AFAP1L1: variants seen among roughly 807,000 people sequenced by gnomAD.
The protein encoded by AFAP1L1 is actin filament-associated protein 1-like 1.
Under a neutral mutation model 99.8 loss-of-function variants are expected in AFAP1L1, and 77 were observed. That is an observed-to-expected ratio of 0.77 (90% CI 0.64 to 0.93). The LOEUF (loss-of-function observed/expected upper bound fraction) is 0.93. AFAP1L1 is among the 40% of genes least tolerant of loss of function. AFAP1L1 has a pLI of 0.00. For synonymous variants in AFAP1L1, 373 were observed against 395.3 expected (o/e 0.94, Z 0.67); for missense variants, 893 against 996.8 (o/e 0.90, Z 1.40).
Position 149,320,535 on chromosome 5 carries a change from T to C in AFAP1L1, c.1698+72T>C, listed in dbSNP as rs376259937. Reference sequence around the variant, plus strand: ...TAGCTCTCCCTCTTTCTGCTCCCTTTACCTTCTGCCTCAGAAAGATCATTT... The same window carrying C: ...TAGCTCTCCCTCTTTCTGCTCCCTTCACCTTCTGCCTCAGAAAGATCATTT... On this transcript the variant is annotated intron_variant, in intron 14 of 18. Transcript: ENST00000296721. This position sits in a 1 kb window ranked among gnomAD's most constrained non-coding sequence, Gnocchi z 4.0. The C allele has an allele frequency of 1.2e-5, 17 of 1,367,714 alleles. No individual in the cohort carries two copies. Among genetic ancestry groups the C allele is most frequent in the African/African-American group, 5.7e-5 (4 of 69,872 alleles). 84.7% of individuals were successfully genotyped at this position (1,367,714 alleles called of 1,614,324 possible). A position where few individuals can be genotyped will look rare whatever the true frequency, so the allele number is the denominator to read the frequency against.
intron 1 of AFAP1L1, among the ~76,000 whole-genome samples, chr5:149,283,992 C>T (rs1755601912): frequency 6.6e-6 from 1 of 152,200 alleles, no homozygotes; most frequent in Non-Finnish European, 1.5e-5. Flanking sequence ...CATATCTAGT[C>T]AGTGTCCATC....
In AFAP1L1 at chr5:149,320,610, A is replaced by G. The variant is rs1756923957; in HGVS notation, c.1698+147A>G. On this transcript the variant is annotated intron_variant, in intron 14 of 18. Coordinates refer to ENST00000296721, the MANE Select transcript of AFAP1L1 (RefSeq NM_152406.4). This position sits in a 1 kb window ranked among gnomAD's most constrained non-coding sequence, Gnocchi z 4.0. Reference sequence around the variant, plus strand: ...GGGGAGCCCCTTCTTATCATAGAGCATGGCTCAGGATGAGGAATCCCTGGC... The same window carrying G: ...GGGGAGCCCCTTCTTATCATAGAGCGTGGCTCAGGATGAGGAATCCCTGGC... 1 of 727,026 alleles carries G rather than the reference A, an allele frequency of 1.4e-6. No homozygotes were observed. The highest frequency in any genetic ancestry group is 2.6e-5 in the Admixed American group (1 of 38,078). 45.0% of individuals were successfully genotyped at this position (727,026 alleles called of 1,614,324 possible). A position where few individuals can be genotyped will look rare whatever the true frequency, so the allele number is the denominator to read the frequency against.
intron 1 of AFAP1L1, among the ~76,000 whole-genome samples, chr5:149,284,790 T>A (rs906587675): frequency 1.3e-5 from 2 of 152,156 alleles, no homozygotes; most frequent in South Asian, 2.1e-4. Flanking sequence ...AAGCCAGCAG[T>A]GAGCTCACAT....
chr5:149,273,546 G>A (rs961626805), intron 1 of AFAP1L1, among the ~76,000 whole-genome samples: 3 of 152,100 alleles, frequency 2.0e-5, no homozygotes, highest in African/African-American at 7.2e-5. Flanking sequence ...CAGGGACTGG[G>A]AAGGGCAGGC....
chr5:149,296,876 A>G (rs1370928840), intron 1 of AFAP1L1, among the ~76,000 whole-genome samples: 6 of 152,154 alleles, frequency 3.9e-5, no homozygotes, highest in Non-Finnish European at 7.4e-5. Context: ...TCAGAAGGGG[A>G]AGCAAACACA....
intron 4 of AFAP1L1, among the ~76,000 whole-genome samples, chr5:149,301,561 C>T (rs1028284253): frequency 2.0e-5 from 3 of 152,174 alleles, no homozygotes; most frequent in African/African-American, 4.8e-5. Flanking sequence ...GCCCAACTTC[C>T]GATTGCATAA....
At position 149,332,863 on chromosome 5, in the gene AFAP1L1, C is replaced by T. The variant is rs1231506226; in HGVS notation, c.2144C>T (p.Pro715Leu). 1.3e-6 allele frequency: 2 copies of T among 1,594,890 alleles called. No individual in the cohort carries two copies. The highest frequency in any genetic ancestry group is 2.3e-5 in the East Asian group (1 of 44,310). Reference protein sequence around the residue: ...PALGLSVSSKPKSGETANKPQ... With the variant: ...PALGLSVSSKLKSGETANKPQ... ...CTGGGGCTCTCCGTGAGCAGCAAGC[C>T]CAAGAGTGGGGTGAGTCCAGGCCCT... The change falls in exon 17 of 19, where the codon CCC (proline) becomes CTC (leucine). Residue 715 changes from proline (P) to leucine (L), a missense_variant. Physicochemically the swap from Pro to Leu is moderately conservative, Grantham distance 98. Coordinates refer to ENST00000296721, the MANE Select transcript of AFAP1L1 (RefSeq NM_152406.4).
At chr5:149,282,818 G>A (rs1479113349) in intron 1 of AFAP1L1, among the ~76,000 whole-genome samples, 1 of 152,190 alleles carries the variant, frequency 6.6e-6, no homozygotes, top group East Asian at 1.9e-4. Flanking sequence ...CCAAACCAAG[G>A]AATGAAGCAC....
intron 2 of AFAP1L1, among the ~76,000 whole-genome samples, 198 bp downstream of exon 2, chr5:149,299,835 G>A (rs945806986): frequency 6.6e-6 from 1 of 151,904 alleles, no homozygotes; most frequent in Non-Finnish European, 1.5e-5. Flanking sequence ...GTCCACTGGG[G>A]CCCCACCTCC....
At chr5:149,313,500 A>G (rs189645957) in intron 9 of AFAP1L1, among the ~76,000 whole-genome samples, 62 of 152,370 alleles carry the variant, frequency 4.1e-4, no homozygotes, top group African/African-American at 1.3e-3. Flanking sequence ...ATAGTAAATA[A>G]GAACCGTAGC....
intron 17 of AFAP1L1, 86 bp downstream of exon 17, chr5:149,332,959 G>A (rs1416238615): frequency 1.4e-6 from 2 of 1,430,560 alleles, no homozygotes; most frequent in African/African-American, 1.4e-5. Context: ...TCATTCTTTG[G>A]AGGTAGGGGT....
intron 11 of AFAP1L1, 123 bp from the exon 12 acceptor site, chr5:149,317,606 A>C (rs1007503858): frequency 1.0e-5 from 10 of 957,668 alleles, no homozygotes; most frequent in African/African-American, 1.7e-5. Context: ...CCCTGAGGTC[A>C]CAGGGGAAAG....
chr5:149,288,795 G>A (rs974788326), intron 1 of AFAP1L1, among the ~76,000 whole-genome samples: 3 of 152,110 alleles, frequency 2.0e-5, no homozygotes, highest in Admixed American at 6.5e-5. Context: ...GGCTTCCCTG[G>A]AGGCCCAGAG....
intron 1 of AFAP1L1, chr5:149,276,870 A>C (rs1439177035): frequency 1.3e-5 from 2 of 152,192 alleles, no homozygotes; most frequent in African/African-American, 4.8e-5. Flanking sequence ...TATGGTGCTT[A>C]TCTCTTGGAA....
At chr5:149,314,763 T>C (rs574673755) in intron 9 of AFAP1L1, among the ~76,000 whole-genome samples, 5 of 152,340 alleles carry the variant, frequency 3.3e-5, no homozygotes, top group African/African-American at 1.2e-4. Flanking sequence ...TGGTGAAGCA[T>C]AAGCTGAGCC....
At chr5:149,325,998 C>G (rs1757083858) in intron 15 of AFAP1L1, among the ~76,000 whole-genome samples, 2 of 152,164 alleles carry the variant, frequency 1.3e-5, no homozygotes, top group Admixed American at 1.3e-4. Flanking sequence ...AACCACAGCA[C>G]AGGCCATTGT....
At chr5:149,305,667 A>C (rs902125865) in intron 5 of AFAP1L1, among the ~76,000 whole-genome samples, 1 of 152,178 alleles carries the variant, frequency 6.6e-6, no homozygotes, top group African/African-American at 2.4e-5. Context: ...TGTTGTGAAA[A>C]TCTGCACAGG....
chr5:149,272,812 C>T (rs1229637644), intron 1 of AFAP1L1, among the ~76,000 whole-genome samples: 1 of 152,130 alleles, frequency 6.6e-6, no homozygotes, highest in East Asian at 1.9e-4. Flanking sequence ...AAGCGATTCT[C>T]CTACCTCAGC....
At chr5:149,335,833 T>C in intron 18 of AFAP1L1, 111 bp downstream of exon 18, 3 of 1,430,414 alleles carry the variant, frequency 2.1e-6, no homozygotes, top group Non-Finnish European at 2.9e-6. Flanking sequence ...GAATTGCCAA[T>C]GCATTTATAC....
Sources: gnomAD v4.1 joint callset for allele counts (sites outside exome capture counted in the v4.1 genomes callset) on GRCh38, gnomAD v4.1.1 for gene constraint, Gnocchi (gnomAD v3.1) non-coding constraint, MANE v1.5 for transcripts, NCBI Gene and HGNC (gene_info 2026-07-23, HGNC 2026-07-21) for gene names.